The following FGGY variants were observed in gnomAD, a reference collection of about 807,000 sequenced individuals.
FGGY encodes FGGY carbohydrate kinase domain containing.
A neutral mutation model predicts 71.3 loss-of-function variants in FGGY; 72 were observed. That is an observed-to-expected ratio of 1.01 (90% confidence interval 0.84 to 1.23). The LOEUF (loss-of-function observed/expected upper bound fraction) is 1.23, where lower values mean the gene tolerates loss of function less well. Among genes scored for constraint, FGGY ranks in the 50% most tolerant of loss-of-function variants. The pLI, the probability that FGGY is intolerant of heterozygous loss-of-function variation, is 0.00. For missense variants in FGGY, 668 were observed against 682.3 expected (o/e 0.98, Z 0.23); for synonymous variants, 251 against 250.3 (o/e 1.00, Z -0.02).
chr1:59,425,938 G>A (rs1348125502), intron 5 of FGGY, among the ~76,000 whole-genome samples: 1 of 152,110 alleles, frequency 6.6e-6, no homozygotes, highest in Non-Finnish European at 1.5e-5. Context: ...TTTTAAGAGT[G>A]TTCACAATTC....
At chr1:59,568,167 A>G (rs1422409728) in intron 8 of FGGY, among the ~76,000 whole-genome samples, 1 of 152,170 alleles carries the variant, frequency 6.6e-6, no homozygotes. Context: ...CAAACAGGTT[A>G]AGTCAGCTTT....
intron 14 of FGGY, among the ~76,000 whole-genome samples, chr1:59,724,367 C>T (rs1380282354): frequency 1.3e-5 from 2 of 151,828 alleles, no homozygotes; most frequent in Non-Finnish European, 2.9e-5. Flanking sequence ...GCCTGTAGTC[C>T]CAGCTACTCA....
chr1:59,693,371 C>T (rs1248271488), intron 14 of FGGY, among the ~76,000 whole-genome samples: 2 of 152,194 alleles, frequency 1.3e-5, no homozygotes, highest in Admixed American at 6.5e-5. Flanking sequence ...CTTAATTAAC[C>T]TCTCTACACT....
chr1:59,346,247 G>A lies in FGGY; in HGVS notation c.314G>A (p.Gly105Glu), dbSNP rs1394238610. The A allele has an allele frequency of 6.2e-7, 1 of 1,612,822 alleles. No homozygotes were observed. Residue 105 changes from glycine (G) to glutamate (E), a missense_variant and splice_region_variant, in exon 4 of 16, where the codon GGG becomes GAG. Gly to Glu is a moderately conservative substitution (Grantham distance 98). Transcript: ENST00000303721. Reference protein sequence around the residue: ...QFHPLPVNQEGDSHRNVIMWL... With the variant: ...QFHPLPVNQEEDSHRNVIMWL... ...TGCATCTCCCTCTCGTTTCTGCTAG[G>A]GGATTCCCATCGAAACGTCATCATG...
At chr1:59,662,086 C>A (rs1257250798) in intron 12 of FGGY, among the ~76,000 whole-genome samples, 1 of 147,090 alleles carries the variant, frequency 6.8e-6, no homozygotes, top group African/African-American at 2.5e-5. Context: ...CTTTGGGAGG[C>A]CAAAGAGGGC....
chr1:59,366,473 C>T (rs1002894036), intron 4 of FGGY, among the ~76,000 whole-genome samples: 47 of 152,098 alleles, frequency 3.1e-4, no homozygotes, highest in Admixed American at 9.2e-4. Context: ...CAAACCCTTT[C>T]CCCGCTCTGA....
chr1:59,528,161 A>C (rs950147841), intron 7 of FGGY, among the ~76,000 whole-genome samples: 1 of 152,246 alleles, frequency 6.6e-6, no homozygotes. Flanking sequence ...CTGTCTGTAC[A>C]TAATCCAGAA....
At position 59,358,456 on chromosome 1, in the gene FGGY, C is replaced by G. The variant is rs1206951752; in HGVS notation, c.465+12058C>G. On this transcript the variant is annotated intron_variant, in intron 4 of 15. Transcript: ENST00000303721. Reference sequence around the variant, plus strand: ...CTCAAGGAATTCCCATATCTAGTACCAAGAGCGAGAGGCTGTGAAAGCCAT... The same window carrying G: ...CTCAAGGAATTCCCATATCTAGTACGAAGAGCGAGAGGCTGTGAAAGCCAT... Among the ~76,000 whole-genome samples, 4 of 152,052 alleles carry G rather than the reference C, an allele frequency of 2.6e-5. No individual in the cohort carries two copies. In the East Asian group the frequency reaches 7.7e-4, roughly 29 times the overall value.
intron 8 of FGGY, among the ~76,000 whole-genome samples, chr1:59,563,221 T>C (rs546338554): frequency 5.3e-5 from 8 of 152,354 alleles, no homozygotes; most frequent in African/African-American, 1.7e-4. Flanking sequence ...CACTATGATA[T>C]TGGCTGCGGG....
chr1:59,605,240 A>G (rs2096612899), intron 8 of FGGY, among the ~76,000 whole-genome samples: 1 of 152,156 alleles, frequency 6.6e-6, no homozygotes. Flanking sequence ...TGGTAATTAC[A>G]TATTTGTGTA....
intron 1 of FGGY, among the ~76,000 whole-genome samples, chr1:59,298,090 C>T (rs1357597416): frequency 6.6e-6 from 1 of 152,136 alleles, no homozygotes; most frequent in Non-Finnish European, 1.5e-5. Flanking sequence ...TAGAGTTTTG[C>T]TTTGTATAGT....
intron 5 of FGGY, among the ~76,000 whole-genome samples, chr1:59,417,325 A>G (rs976395313): frequency 3.9e-5 from 6 of 152,192 alleles, no homozygotes; most frequent in Non-Finnish European, 8.8e-5. Flanking sequence ...TTGTTTATCC[A>G]TTCATCTGTT....
chr1:59,697,603 T>C (rs1438071688), intron 14 of FGGY: 2 of 1,107,224 alleles, frequency 1.8e-6, no homozygotes, highest in East Asian at 5.9e-5. Context: ...CCATCGTCGC[T>C]GTGAAGACTT....
chr1:59,422,013 T>C (rs1011453433), intron 5 of FGGY, among the ~76,000 whole-genome samples: 2 of 152,206 alleles, frequency 1.3e-5, no homozygotes, highest in African/African-American at 4.8e-5. Flanking sequence ...TGCTGTGATA[T>C]TGGTCTGATT....
intron 8 of FGGY, among the ~76,000 whole-genome samples, chr1:59,579,053 C>G (rs2096136644): frequency 6.6e-6 from 1 of 152,154 alleles, no homozygotes; most frequent in Admixed American, 6.5e-5. Context: ...GTACAAACTT[C>G]TCCATGAAAA....
chr1:59,387,282 C>T (rs1011029264), intron 5 of FGGY, among the ~76,000 whole-genome samples: 1 of 151,844 alleles, frequency 6.6e-6, no homozygotes, highest in Non-Finnish European at 1.5e-5. Context: ...TATTTTTTTA[C>T]TTAATATGTT....
intron 4 of FGGY, among the ~76,000 whole-genome samples, chr1:59,375,879 GTTTTTTTTTTT>G (rs770578651): frequency 2.0e-5 from 2 of 99,388 alleles, no homozygotes; most frequent in Admixed American, 2.4e-4. Flanking sequence ...ATCTAAAGTA[GTTTTTTTTTTT>G]TTTTTTTTTT....
chr1:59,758,043 C>A, intron 15 of FGGY, 51 bp downstream of exon 15: 1 of 1,212,572 alleles, frequency 8.2e-7, no homozygotes, highest in Non-Finnish European at 1.2e-6. Context: ...AGCACATACA[C>A]ACACACATGC....
At chr1:59,708,732 G>T (rs541303223) in intron 14 of FGGY, among the ~76,000 whole-genome samples, 1 of 152,170 alleles carries the variant, frequency 6.6e-6, no homozygotes, top group Admixed American at 6.5e-5. Context: ...ACCTAGATTT[G>T]TCTGAAAAAT....
Sources: allele counts gnomAD v4.1 joint callset (sites outside exome capture counted in the v4.1 genomes callset), GRCh38; gene constraint gnomAD v4.1.1; transcripts MANE v1.5; gene names NCBI Gene and HGNC (gene_info 2026-07-23, HGNC 2026-07-21).